RGS8: variants seen among roughly 807,000 people sequenced by gnomAD.
RGS8 encodes the protein regulator of G protein signaling 8.
Under a neutral mutation model 21.7 loss-of-function variants are expected in RGS8, and 8 were observed. The observed-to-expected ratio is 0.37, with a 90% confidence interval of 0.22 to 0.66. The LOEUF is 0.66. Ranked by LOEUF, RGS8 falls within the 30% of genes least tolerant of loss-of-function variation. The pLI, the probability that RGS8 is intolerant of heterozygous loss-of-function variation, is 0.59. For synonymous variants in RGS8, 80 were observed against 83.6 expected (o/e 0.96, Z 0.24); for missense variants, 157 against 217.9 (o/e 0.72, Z 1.76).
chr1:182,646,760 G>A, exon 7 of RGS8: 1 of 1,613,966 alleles, frequency 6.2e-7, no homozygotes, highest in Non-Finnish European at 8.5e-7. Context: ...CTGGCTTTGG[G>A]ACAGCAGATC....
At chr1:182,738,949 G>A in the RGS8 span, among the ~76,000 whole-genome samples, 3 of 152,180 alleles carry the variant, frequency 2.0e-5, no homozygotes, top group African/African-American at 2.4e-5. Context: ...GGAAGCTAGA[G>A]GACTAAAGAG....
chr1:182,671,605 G>A (rs373999133), intron 2 of RGS8, 52 bp downstream of exon 3: 35 of 1,487,730 alleles, frequency 2.4e-5, no homozygotes, highest in African/African-American at 1.1e-4. Context: ...TAATGCAATC[G>A]GTGCACACAG....
chr1:182,698,923 G>T, the RGS8 span, among the ~76,000 whole-genome samples: 3 of 152,222 alleles, frequency 2.0e-5, no homozygotes, highest in Admixed American at 6.5e-5. Flanking sequence ...TCTCCGTAAT[G>T]AATGTGGAGT....
At chr1:182,730,247 G>T in the RGS8 span, among the ~76,000 whole-genome samples, 3 of 152,168 alleles carry the variant, frequency 2.0e-5, no homozygotes, top group Admixed American at 6.5e-5. Context: ...AACTTGAAGG[G>T]ACTTAGTACA....
chr1:182,658,368 T>G (rs1663388227), intron 5 of RGS8: 1 of 152,174 alleles, frequency 6.6e-6, no homozygotes, highest in Admixed American at 6.5e-5. Flanking sequence ...CTAGCTCAGT[T>G]CCCAGGCTTG....
chr1:182,667,354 G>C (rs1663923188), intron 3 of RGS8, among the ~76,000 whole-genome samples: 1 of 152,236 alleles, frequency 6.6e-6, no homozygotes, highest in African/African-American at 2.4e-5. Flanking sequence ...AGCAGCAGCA[G>C]CTCCTGATTG....
chr1:182,741,164 G>T, the RGS8 span, among the ~76,000 whole-genome samples: 2 of 148,084 alleles, frequency 1.4e-5, no homozygotes, highest in African/African-American at 5.1e-5. Flanking sequence ...CCCGGACGGG[G>T]CGGCTGGCCG....
At chr1:182,710,110 C>T in the RGS8 span, among the ~76,000 whole-genome samples, 36 of 152,148 alleles carry the variant, frequency 2.4e-4, no homozygotes, top group Non-Finnish European at 4.6e-4. Flanking sequence ...GAATTTGACT[C>T]ACAGGTGTGG....
chr1:182,741,686 C>T, the RGS8 span, among the ~76,000 whole-genome samples: 7 of 115,662 alleles, frequency 6.1e-5, no homozygotes, highest in East Asian at 1.8e-3. Flanking sequence ...CTCCTCACTT[C>T]CCAGTAGGGG....
intron 5 of RGS8, among the ~76,000 whole-genome samples, chr1:182,653,082 C>T (rs948545562): frequency 6.6e-6 from 1 of 152,152 alleles, no homozygotes; most frequent in African/African-American, 2.4e-5. Context: ...AAGAATTTTG[C>T]AGCACTACAA....
the RGS8 span, among the ~76,000 whole-genome samples, chr1:182,734,045 C>T: frequency 1.3e-5 from 2 of 151,996 alleles, no homozygotes; most frequent in South Asian, 2.1e-4. Flanking sequence ...CTCAGCCTCC[C>T]GAGTAGCTGG....
intron 6 of RGS8, 30 bp downstream of exon 7, chr1:182,648,107 T>C: frequency 6.4e-7 from 1 of 1,572,946 alleles, no homozygotes. Flanking sequence ...GAGCCATGGA[T>C]AGACAGGATG....
chr1:182,679,833 CCCCTACACACACA>C (rs1557902478), intron 1 of RGS8, among the ~76,000 whole-genome samples: 1 of 152,050 alleles, frequency 6.6e-6, no homozygotes, highest in Admixed American at 6.5e-5. Context: ...CCACCCGCAC[CCCCTACACACACA>C]TATAAACCTT....
At chr1:182,664,535 C>T (rs142272613) in intron 5 of RGS8, among the ~76,000 whole-genome samples, 4 of 152,092 alleles carry the variant, frequency 2.6e-5, no homozygotes, top group South Asian at 2.1e-4. Context: ...GAAAAGAAGG[C>T]GTACATTGGT....
upstream of RGS8, among the ~76,000 whole-genome samples, chr1:182,675,841 G>A (rs549602001): frequency 6.6e-6 from 1 of 152,238 alleles, no homozygotes; most frequent in East Asian, 1.9e-4. Flanking sequence ...TATATTTTCT[G>A]AGCCTCTCAA....
exon 4 of RGS8, chr1:182,666,923 G>A (rs1663894192): frequency 6.2e-7 from 1 of 1,614,106 alleles, no homozygotes; most frequent in Non-Finnish European, 8.5e-7. Flanking sequence ...ATCACTACAC[G>A]AGTCTGACTT....
chr1:182,727,281 A>C, the RGS8 span, among the ~76,000 whole-genome samples: 1 of 152,332 alleles, frequency 6.6e-6, no homozygotes, highest in Admixed American at 6.5e-5. Context: ...AGAATGAGCT[A>C]ATAATAGCCA....
At chr1:182,698,975 T>C in the RGS8 span, among the ~76,000 whole-genome samples, 1 of 152,216 alleles carries the variant, frequency 6.6e-6, no homozygotes, top group African/African-American at 2.4e-5. Context: ...CAGAGACTTA[T>C]TGTATGCCTG....
At chr1:182,667,119 A>C (rs1663908682) in intron 3 of RGS8, 146 bp from the exon 5 acceptor site, 2 of 654,320 alleles carry the variant, frequency 3.1e-6, no homozygotes, top group Admixed American at 4.8e-5. Flanking sequence ...CATGAACAGG[A>C]AGAGACCACC....
Sources: gnomAD v4.1 joint callset for allele counts (sites outside exome capture counted in the v4.1 genomes callset) on GRCh38, gnomAD v4.1.1 for gene constraint, MANE v1.5 for transcripts, NCBI Gene and HGNC (gene_info 2026-07-23, HGNC 2026-07-21) for gene names.